WDPCP: variants seen among roughly 807,000 people sequenced by gnomAD.
WDPCP encodes the protein WD repeat-containing and planar cell polarity effector protein fritz homolog.
In WDPCP, 71 loss-of-function variants were observed where a neutral mutation model predicts 93.1. The observed-to-expected ratio is 0.76, with a 90% CI of 0.63 to 0.93. The LOEUF (loss-of-function observed/expected upper bound fraction) is 0.93, where lower values mean the gene tolerates loss of function less well. WDPCP is among the 40% of genes least tolerant of loss of function. The probability of loss-of-function intolerance (pLI) is 0.00; values close to 1 mark genes in which losing one functional copy is unlikely to be tolerated. For synonymous variants in WDPCP, 315 were observed against 315.0 expected, an observed-to-expected ratio of 1.00 and a Z score of 0.00; for missense variants, 844 against 887.4, an observed-to-expected ratio of 0.95 and a Z score of 0.62.
chr2:63,527,341 G>T (rs1703420633), intron 1 of WDPCP, among the ~76,000 whole-genome samples: 2 of 150,778 alleles, frequency 1.3e-5, no homozygotes, highest in Admixed American at 1.3e-4. Flanking sequence ...ATTTACATTA[G>T]GTATACGTCC....
At chr2:63,623,961 G>T (rs188933173) in intron 3 of WDPCP, among the ~76,000 whole-genome samples, 109 of 152,258 alleles carry the variant, frequency 7.2e-4, no homozygotes, top group African/African-American at 2.5e-3. Context: ...AAATGCAAAA[G>T]AACAGAAATC....
intron 3 of WDPCP, among the ~76,000 whole-genome samples, chr2:63,624,236 A>G (rs761402181): frequency 6.6e-6 from 1 of 152,242 alleles, no homozygotes; most frequent in Non-Finnish European, 1.5e-5. Context: ...AAAGTGGGAA[A>G]GATCTAAAAT....
chr2:63,160,052 A>G (rs1353037080), intron 15 of WDPCP, among the ~76,000 whole-genome samples: 1 of 152,202 alleles, frequency 6.6e-6, no homozygotes, highest in Non-Finnish European at 1.5e-5. Context: ...TAAACTTGCC[A>G]TAGGTTCAGA....
chr2:63,580,487 A>T (rs6737621), intron 1 of WDPCP, among the ~76,000 whole-genome samples: 41,754 of 152,042 alleles, frequency 0.27, 6,653 homozygotes, highest in East Asian at 0.71. Context: ...ATGCTCTGAT[A>T]AGGCCACAAC....
intron 14 of WDPCP, among the ~76,000 whole-genome samples, chr2:63,213,082 A>G (rs1433681722): frequency 6.6e-6 from 1 of 152,140 alleles, no homozygotes; most frequent in African/African-American, 2.4e-5. Flanking sequence ...AAAGTTAACA[A>G]AATTATCCAG....
intron 2 of WDPCP, among the ~76,000 whole-genome samples, chr2:63,651,476 G>C (rs201671906): frequency 2.4e-4 from 11 of 46,440 alleles, no homozygotes; most frequent in South Asian, 7.7e-4. Context: ...CACACACAGA[G>C]AGACTTATTT....
At chr2:63,438,416 T>C (rs910386006) in intron 7 of WDPCP, among the ~76,000 whole-genome samples, 6 of 152,066 alleles carry the variant, frequency 3.9e-5, no homozygotes, top group African/African-American at 1.4e-4. Context: ...GTGTATTATT[T>C]TGGGTACAAA....
intron 1 of WDPCP, among the ~76,000 whole-genome samples, chr2:63,510,396 A>C (rs1702155380): frequency 6.6e-6 from 1 of 152,210 alleles, no homozygotes; most frequent in Non-Finnish European, 1.5e-5. Flanking sequence ...CCACGCTAAG[A>C]ACACTTAATA....
intron 9 of WDPCP, among the ~76,000 whole-genome samples, chr2:63,418,045 T>G (rs1287771439): frequency 1.3e-5 from 2 of 152,078 alleles, no homozygotes; most frequent in African/African-American, 4.8e-5. Context: ...AAGAACTATA[T>G]AAAGACAAAA....
intron 1 of WDPCP, among the ~76,000 whole-genome samples, chr2:63,562,023 T>C (rs558187842): frequency 6.6e-6 from 1 of 152,224 alleles, no homozygotes; most frequent in African/African-American, 2.4e-5. Context: ...TTATTGGGTA[T>C]ATACCAAAAG....
chr2:63,213,408 A>T (rs913966861), intron 14 of WDPCP, among the ~76,000 whole-genome samples: 2 of 152,228 alleles, frequency 1.3e-5, no homozygotes, highest in African/African-American at 4.8e-5. Flanking sequence ...AGAAATAAAG[A>T]TGTTCTTTGA....
At chr2:63,286,972 C>T (rs1176770114) in intron 13 of WDPCP, among the ~76,000 whole-genome samples, 1 of 152,194 alleles carries the variant, frequency 6.6e-6, no homozygotes, top group East Asian at 1.9e-4. Flanking sequence ...TTTATTTTCT[C>T]ACAGTTCCAG....
In WDPCP at chr2:63,527,348, G is replaced by A. The variant is rs148862157; in HGVS notation, c.76-34408C>T. 1.4e-3 allele frequency among the ~76,000 whole-genome samples: 215 copies of A among 150,094 alleles called. 1 individual carries two copies. Among genetic ancestry groups the A allele is most frequent in the African/African-American group, 4.7e-3 (193 of 40,788 alleles). On this transcript the variant is annotated intron_variant, in intron 1 of 17. Transcript: ENST00000272321. ...ATCTCGTCATTTACATTAGGTATAC[G>A]TCCTAATGCTCTCCCTCCCCCCACC... is the stretch of plus-strand genomic sequence containing the variant.
At chr2:63,771,273 A>T (rs995156859) in intron 2 of WDPCP, among the ~76,000 whole-genome samples, 20 of 151,888 alleles carry the variant, frequency 1.3e-4, no homozygotes, top group Non-Finnish European at 2.7e-4. Context: ...AAACATCTTT[A>T]TGTTAATTGA....
chr2:63,551,675 A>G (rs1048188163), intron 1 of WDPCP, among the ~76,000 whole-genome samples: 1 of 152,232 alleles, frequency 6.6e-6, no homozygotes, highest in African/African-American at 2.4e-5. Flanking sequence ...TATCATGACA[A>G]GGACATGTTG....
intron 13 of WDPCP, among the ~76,000 whole-genome samples, chr2:63,297,901 TAAG>T (rs1397209338): frequency 3.3e-5 from 5 of 152,152 alleles, no homozygotes; most frequent in Non-Finnish European, 5.9e-5. Flanking sequence ...GTCTCTACAG[TAAG>T]AAGAAGAATA....
At chr2:63,504,966 T>C (rs546466677) in intron 1 of WDPCP, among the ~76,000 whole-genome samples, 1 of 152,052 alleles carries the variant, frequency 6.6e-6, no homozygotes, top group East Asian at 1.9e-4. Context: ...TATGGCCGAT[T>C]GGTCAATAAA....
At chr2:63,129,856 C>G (rs1163907140) in intron 17 of WDPCP, among the ~76,000 whole-genome samples, 2 of 152,070 alleles carry the variant, frequency 1.3e-5, no homozygotes, top group African/African-American at 4.8e-5. Flanking sequence ...CTCTGCATTA[C>G]TTATAATACC....
At chr2:63,435,169 G>A (rs939322548) in intron 8 of WDPCP, among the ~76,000 whole-genome samples, 1 of 152,066 alleles carries the variant, frequency 6.6e-6, no homozygotes, top group African/African-American at 2.4e-5. Context: ...TCCCTTCACT[G>A]TTAAATAAAT....
Sources: allele counts gnomAD v4.1 joint callset (sites outside exome capture counted in the v4.1 genomes callset), GRCh38; gene constraint gnomAD v4.1.1; transcripts MANE v1.5; gene names NCBI Gene and HGNC (gene_info 2026-07-23, HGNC 2026-07-21).